TYW1: variants seen among roughly 807,000 people sequenced by gnomAD.
TYW1 encodes S-adenosyl-L-methionine-dependent tRNA 4-demethylwyosine synthase TYW1.
In TYW1, 46 loss-of-function variants were observed where a neutral mutation model predicts 96.2. The ratio of observed to expected loss-of-function variants is 0.48; its 90% confidence interval spans 0.38 to 0.61. The LOEUF (loss-of-function observed/expected upper bound fraction) is 0.61, where lower values mean the gene tolerates loss of function less well. TYW1 is among the 20% of genes least tolerant of loss of function. The probability of loss-of-function intolerance (pLI) is 0.00; values close to 1 mark genes in which losing one functional copy is unlikely to be tolerated. For missense variants in TYW1, 684 were observed against 909.6 expected (o/e 0.75, Z 3.19); for synonymous variants, 274 against 323.0 (o/e 0.85, Z 1.63).
intron 7 of TYW1, among the ~76,000 whole-genome samples, chr7:67,047,383 G>A (rs554959647): frequency 3.3e-5 from 5 of 152,154 alleles, no homozygotes; most frequent in African/African-American, 7.2e-5. Context: ...AAAGGCAAAG[G>A]ATTCCTTCTA....
chr7:67,196,431 TGC>T (rs541852356), intron 15 of TYW1, among the ~76,000 whole-genome samples: 8,886 of 152,278 alleles, frequency 0.058, 345 homozygotes, highest in Non-Finnish European at 0.084. Context: ...TCATTCATGT[TGC>T]CTTGTCTTCT....
chr7:67,088,514 CT>C (rs1232697283), intron 11 of TYW1, among the ~76,000 whole-genome samples: 2 of 152,156 alleles, frequency 1.3e-5, no homozygotes, highest in African/African-American at 4.8e-5. Flanking sequence ...AATTTTAGTA[CT>C]TCAGAATATT....
intron 6 of TYW1, among the ~76,000 whole-genome samples, chr7:67,020,758 G>A (rs1048369932): frequency 1.3e-5 from 2 of 152,266 alleles, no homozygotes; most frequent in Non-Finnish European, 2.9e-5. Context: ...GGCTGGGCGC[G>A]GTGGCTCATG....
intron 12 of TYW1, among the ~76,000 whole-genome samples, chr7:67,112,710 A>C (rs895242610): frequency 3.6e-4 from 55 of 152,262 alleles, no homozygotes; most frequent in Non-Finnish European, 7.2e-4. Context: ...CTCCCAACTT[A>C]GAAAAGCAAC....
At chr7:67,149,768 A>ATCTC (rs1554376909) in intron 13 of TYW1, among the ~76,000 whole-genome samples, 13 of 84,082 alleles carry the variant, frequency 1.5e-4, no homozygotes, top group African/African-American at 7.6e-4. Flanking sequence ...CTATCTATCT[A>ATCTC]TCTATCTCTC....
chr7:67,081,566 CCTT>C (rs1796393541), intron 10 of TYW1, among the ~76,000 whole-genome samples: 1 of 151,830 alleles, frequency 6.6e-6, no homozygotes, highest in Non-Finnish European at 1.5e-5. Flanking sequence ...CACCTGTTCT[CCTT>C]CTGGAATTCC....
chr7:67,188,840 C>T (rs1800111085), intron 14 of TYW1, among the ~76,000 whole-genome samples: 1 of 152,046 alleles, frequency 6.6e-6, no homozygotes, highest in Non-Finnish European at 1.5e-5. Context: ...CTGGAGCTCC[C>T]TGCAGATGCA....
intron 6 of TYW1, among the ~76,000 whole-genome samples, chr7:67,020,298 A>G (rs973922118): frequency 2.9e-4 from 44 of 152,378 alleles, no homozygotes; most frequent in African/African-American, 1.0e-3. Context: ...CAGGAGGATC[A>G]CTTGAGCTCA....
At chr7:67,209,767 T>TA (rs1800937930) in intron 15 of TYW1, among the ~76,000 whole-genome samples, 1 of 152,124 alleles carries the variant, frequency 6.6e-6, no homozygotes, top group Non-Finnish European at 1.5e-5. Context: ...AGACAGGGTT[T>TA]CACCATGTTG....
At chr7:67,018,231 T>C (rs1307224205) in intron 6 of TYW1, 88 bp downstream of exon 6, 31 of 1,509,330 alleles carry the variant, frequency 2.1e-5, no homozygotes, top group African/African-American at 2.8e-5. Flanking sequence ...AACCATCTCG[T>C]TGGCTTCTGG....
At chr7:67,079,655 G>T (rs1179565064) in intron 10 of TYW1, among the ~76,000 whole-genome samples, 1 of 151,604 alleles carries the variant, frequency 6.6e-6, no homozygotes, top group African/African-American at 2.4e-5. Context: ...GTGTGTTTTT[G>T]CTTTTCTAGT....
Position 67,189,396 on chromosome 7 carries a change from T to A in TYW1, c.1810-5774T>A, listed in dbSNP as rs547101858. On this transcript the variant is annotated intron_variant, in intron 14 of 15. Transcript: ENST00000359626. ...CATGTATGTGTGTTCATGTGTGTGT[T>A]GTGTGCGTGTGTTGTGTGTATGTGC... Among the ~76,000 whole-genome samples the A allele has an allele frequency of 3.0e-4, 41 of 135,916 alleles. 1 individual carries two copies. In the South Asian group the frequency reaches 6.0e-3, roughly 20 times the overall value. 89.2% of individuals were successfully genotyped at this position (135,916 alleles called of 152,430 possible). A position where few individuals can be genotyped will look rare whatever the true frequency, so the allele number is the denominator to read the frequency against.
Position 67,015,869 on chromosome 7 carries a change from A to G in TYW1, c.570+1308A>G, listed in dbSNP as rs545848511. On this transcript the variant is annotated intron_variant, in intron 5 of 15. Transcript: ENST00000359626. ...TTCCAGCTACTCGGGAGGCTGAGGC[A>G]GGAGAATGGCGTGTACTCGGGAGGC... Among the ~76,000 whole-genome samples, 7 of 152,010 alleles carry G rather than the reference A, an allele frequency of 4.6e-5. No individual in the cohort carries two copies. The East Asian group carries it at 1.4e-3, about 29-fold the overall frequency.
At chr7:67,176,609 G>A (rs66734104) in intron 13 of TYW1, among the ~76,000 whole-genome samples, 42,773 of 152,054 alleles carry the variant, frequency 0.28, 6,524 homozygotes, top group African/African-American at 0.4. Context: ...TTATATTTCT[G>A]TTGAGCAACA....
chr7:67,205,248 AAGGGTGCC>A (rs2116373806), intron 15 of TYW1, among the ~76,000 whole-genome samples: 1 of 152,274 alleles, frequency 6.6e-6, no homozygotes, highest in South Asian at 2.1e-4. Flanking sequence ...CTATTGTAGG[AAGGGTGCC>A]TTGTTACTGC....
intron 12 of TYW1, among the ~76,000 whole-genome samples, chr7:67,099,279 G>A (rs750587208): frequency 2.6e-5 from 4 of 152,054 alleles, no homozygotes; most frequent in Non-Finnish European, 5.9e-5. Context: ...TGATCCTCCT[G>A]CCTCAGCTTC....
intron 10 of TYW1, among the ~76,000 whole-genome samples, chr7:67,073,658 C>T (rs1207061667): frequency 6.7e-6 from 1 of 150,070 alleles, no homozygotes; most frequent in Non-Finnish European, 1.5e-5. Context: ...CCTGTAATCC[C>T]AGCTACTTGG....
intron 14 of TYW1, among the ~76,000 whole-genome samples, chr7:67,187,536 T>G (rs1378823338): frequency 6.6e-6 from 1 of 152,228 alleles, no homozygotes; most frequent in East Asian, 1.9e-4. Context: ...CTTTGTTAAC[T>G]TACCTGTCAT....
rs36007120 is a variant in TYW1 at position 67,047,783 on chromosome 7, ATTTTTT to A, written c.985-2145_985-2140del. Among the ~76,000 whole-genome samples the A allele has an allele frequency of 2.1e-4, 17 of 79,886 alleles. No homozygotes were observed. In the East Asian group the frequency reaches 2.9e-3, roughly 14 times the overall value. 52.4% of individuals were successfully genotyped at this position (79,886 alleles called of 152,430 possible). A position where few individuals can be genotyped will look rare whatever the true frequency, so the allele number is the denominator to read the frequency against. On this transcript the variant is annotated intron_variant, in intron 7 of 15. Coordinates refer to ENST00000359626, the MANE Select transcript of TYW1 (RefSeq NM_018264.4). ...TTTCACTTACTTTCTGTGAGTGTCAATTTTTTTTTTTTTTTTTTTTTTTTTTGAGGC... is the reference window on the plus strand; with the variant it reads ...TTTCACTTACTTTCTGTGAGTGTCAATTTTTTTTTTTTTTTTTTTTGAGGC...
Sources: gnomAD v4.1 joint callset for allele counts (sites outside exome capture counted in the v4.1 genomes callset) on GRCh38, gnomAD v4.1.1 for gene constraint, MANE v1.5 for transcripts, NCBI Gene and HGNC (gene_info 2026-07-23, HGNC 2026-07-21) for gene names.